TANC2: variants seen among roughly 807,000 people sequenced by gnomAD.
The protein encoded by TANC2 is tetratricopeptide repeat, ankyrin repeat and coiled-coil containing 2, also known as protein TANC2.
Under a neutral mutation model 210.5 loss-of-function variants are expected in TANC2, and 26 were observed. The ratio of observed to expected loss-of-function variants is 0.12; its 90% CI spans 0.09 to 0.17. The LOEUF is 0.17. Among genes scored for constraint, TANC2 ranks in the 10% least tolerant of loss-of-function variants. The pLI, the probability that TANC2 is intolerant of heterozygous loss-of-function variation, is 1.00. For synonymous variants in TANC2, 931 were observed against 967.1 expected, an observed-to-expected ratio of 0.96 and a Z score of 0.69; for missense variants, 2,129 against 2,608.9, an observed-to-expected ratio of 0.82 and a Z score of 4.01.
At chr17:63,119,980 A>G (rs1395279905) in intron 4 of TANC2, among the ~76,000 whole-genome samples, 4 of 151,938 alleles carry the variant, frequency 2.6e-5, no homozygotes, top group African/African-American at 9.7e-5. Flanking sequence ...TGATCACTCC[A>G]CTATCACTCC....
chr17:63,205,372 A>AAAAAAAAAAAAAAAAAAAAAAAAAAAC (rs1472135033), intron 7 of TANC2, among the ~76,000 whole-genome samples: 5 of 131,810 alleles, frequency 3.8e-5, no homozygotes, highest in African/African-American at 6.2e-5. Context: ...AAAAAAAAAA[A>AAAAAAAAAAAAAAAAAAAAAAAAAAAC]CCTCATACAC....
At chr17:63,265,065 G>A (rs574670611) in intron 8 of TANC2, among the ~76,000 whole-genome samples, 130 of 152,272 alleles carry the variant, frequency 8.5e-4, no homozygotes, top group African/African-American at 3.0e-3. Context: ...TAGAATAGTC[G>A]CAACAGTTTC....
chr17:63,262,339 C>A (rs2043387899), intron 8 of TANC2, among the ~76,000 whole-genome samples: 1 of 152,106 alleles, frequency 6.6e-6, no homozygotes, highest in Admixed American at 6.6e-5. Context: ...GCACTATACC[C>A]AATCAGTTTT....
At chr17:63,146,588 A>C (rs1469017923) in intron 4 of TANC2, among the ~76,000 whole-genome samples, 1 of 151,908 alleles carries the variant, frequency 6.6e-6, no homozygotes, top group African/African-American at 2.4e-5. Context: ...CTTTGCTTTC[A>C]TTTGGTCTGC....
At chr17:63,347,924 C>T (rs2046467893) in intron 12 of TANC2, among the ~76,000 whole-genome samples, 1 of 152,074 alleles carries the variant, frequency 6.6e-6, no homozygotes, top group South Asian at 2.1e-4. Flanking sequence ...CACCATCATA[C>T]TTGGCTAATT....
intron 5 of TANC2, among the ~76,000 whole-genome samples, chr17:63,163,673 G>A (rs531785175): frequency 1.0e-3 from 157 of 152,260 alleles, no homozygotes; most frequent in Non-Finnish European, 2.0e-3. Flanking sequence ...GACGACTATA[G>A]TAGTAGGCAT....
At chr17:63,354,492 C>T (rs939345451) in intron 13 of TANC2, among the ~76,000 whole-genome samples, 1 of 152,066 alleles carries the variant, frequency 6.6e-6, no homozygotes, top group Non-Finnish European at 1.5e-5. Flanking sequence ...TACAGTGCTC[C>T]GTTTTCTATT....
intron 7 of TANC2, among the ~76,000 whole-genome samples, chr17:63,234,191 C>G (rs1037741629): frequency 2.6e-5 from 4 of 152,102 alleles, no homozygotes; most frequent in African/African-American, 9.7e-5. Flanking sequence ...ATTCCCCTAC[C>G]ACAAATATAA....
intron 2 of TANC2, among the ~76,000 whole-genome samples, chr17:63,043,376 T>A (rs1487271753): frequency 6.6e-6 from 1 of 152,072 alleles, no homozygotes; most frequent in African/African-American, 2.4e-5. Context: ...TATAAACCCA[T>A]ACATAATTAT....
At chr17:62,968,998 G>T (rs1329600097) in intron 1 of TANC2, among the ~76,000 whole-genome samples, 1 of 151,890 alleles carries the variant, frequency 6.6e-6, no homozygotes, top group Admixed American at 6.6e-5. Flanking sequence ...CTCAAATCCC[G>T]CAGTTGGTGT....
At chr17:63,224,503 T>C (rs1185746113) in intron 7 of TANC2, among the ~76,000 whole-genome samples, 1 of 152,172 alleles carries the variant, frequency 6.6e-6, no homozygotes, top group African/African-American at 2.4e-5. Context: ...CCACCCAAAG[T>C]GCTGGGATTA....
At chr17:63,276,198 C>T (rs889330506) in intron 9 of TANC2, among the ~76,000 whole-genome samples, 2 of 151,954 alleles carry the variant, frequency 1.3e-5, no homozygotes, top group African/African-American at 2.4e-5. Flanking sequence ...AGGCCACAAA[C>T]GAAAGGCTAT....
chr17:63,268,444 G>A (rs2043596265), intron 9 of TANC2, among the ~76,000 whole-genome samples: 1 of 152,168 alleles, frequency 6.6e-6, no homozygotes, highest in African/African-American at 2.4e-5. Flanking sequence ...AGGTGTGTAT[G>A]AAACATATGA....
At chr17:63,002,893 TA>T (rs749180973) in intron 1 of TANC2, among the ~76,000 whole-genome samples, 7 of 152,340 alleles carry the variant, frequency 4.6e-5, no homozygotes, top group Middle Eastern at 3.4e-3. Context: ...GATGGACACC[TA>T]GTCTAGGTAT....
At chr17:63,110,717 C>T (rs889429088) in intron 4 of TANC2, among the ~76,000 whole-genome samples, 15 of 152,158 alleles carry the variant, frequency 9.9e-5, no homozygotes, top group South Asian at 6.2e-4. Flanking sequence ...GCTTAACTAC[C>T]GCTTAAGGGT....
At chr17:63,062,527 T>C (rs1395415986) in intron 2 of TANC2, among the ~76,000 whole-genome samples, 1 of 152,156 alleles carries the variant, frequency 6.6e-6, no homozygotes, top group Non-Finnish European at 1.5e-5. Context: ...CATTTGTTCT[T>C]AGAGTGGGCA....
intron 4 of TANC2, among the ~76,000 whole-genome samples, chr17:63,140,691 TG>T (rs1286970876): frequency 6.6e-6 from 1 of 152,244 alleles, no homozygotes; most frequent in Non-Finnish European, 1.5e-5. Context: ...GCCGTTTTTA[TG>T]GATGATTTTA....
chr17:63,285,117 A>G (rs528995134), intron 9 of TANC2, among the ~76,000 whole-genome samples: 108 of 152,012 alleles, frequency 7.1e-4, no homozygotes, highest in African/African-American at 2.6e-3. Flanking sequence ...CTATTTGTTT[A>G]TTTATATTTA....
intron 1 of TANC2, among the ~76,000 whole-genome samples, chr17:62,967,954 G>A (rs2031455021): frequency 6.6e-6 from 1 of 152,044 alleles, no homozygotes; most frequent in Non-Finnish European, 1.5e-5. Context: ...GAAATAAAAC[G>A]TTAAACATTC....
Sources: allele counts gnomAD v4.1 joint callset (sites outside exome capture counted in the v4.1 genomes callset), GRCh38; gene constraint gnomAD v4.1.1; transcripts MANE v1.5; gene names NCBI Gene and HGNC (gene_info 2026-07-23, HGNC 2026-07-21).